CAMK1D: variants seen among roughly 807,000 people sequenced by gnomAD.
The protein encoded by CAMK1D is calcium/calmodulin-dependent protein kinase type 1D.
CAMK1D carries 9 observed loss-of-function variants against 47.7 expected under a neutral mutation model. The observed-to-expected ratio is 0.19, with a 90% CI of 0.11 to 0.33. The LOEUF is 0.33. CAMK1D is among the 10% of genes least tolerant of loss of function. The pLI is 1.00. For synonymous variants in CAMK1D, 184 were observed against 184.9 expected (o/e 0.99, Z 0.04); for missense variants, 291 against 488.7 (o/e 0.60, Z 3.81).
At chr10:12,489,514 G>A (rs546365519) in intron 1 of CAMK1D, among the ~76,000 whole-genome samples, 1 of 152,294 alleles carries the variant, frequency 6.6e-6, no homozygotes, top group Non-Finnish European at 1.5e-5. Context: ...AAGCGGTAGG[G>A]AAGCAGCCCA....
intron 6 of CAMK1D, among the ~76,000 whole-genome samples, chr10:12,794,275 A>G (rs1340390866): frequency 6.6e-6 from 1 of 152,174 alleles, no homozygotes; most frequent in Non-Finnish European, 1.5e-5. Flanking sequence ...TCGATGGTTA[A>G]GAAAAAAGAG....
At chr10:12,705,570 T>C (rs984214799) in intron 3 of CAMK1D, among the ~76,000 whole-genome samples, 2 of 152,196 alleles carry the variant, frequency 1.3e-5, no homozygotes, top group Admixed American at 1.3e-4. Context: ...GAACGGTGTG[T>C]TCGTATAAAG....
intron 2 of CAMK1D, among the ~76,000 whole-genome samples, chr10:12,562,139 G>A (rs1478374042): frequency 1.3e-5 from 2 of 152,280 alleles, no homozygotes; most frequent in South Asian, 2.1e-4. Flanking sequence ...GTCCAAGATC[G>A]GGTGGCTGCC....
At chr10:12,602,811 A>G (rs973304280) in intron 2 of CAMK1D, among the ~76,000 whole-genome samples, 1 of 151,982 alleles carries the variant, frequency 6.6e-6, no homozygotes, top group Non-Finnish European at 1.5e-5. Context: ...GGGAAGGGGA[A>G]GTTGAGGACG....
intron 2 of CAMK1D, among the ~76,000 whole-genome samples, chr10:12,632,735 C>T (rs997192664): frequency 6.6e-6 from 1 of 152,106 alleles, no homozygotes; most frequent in African/African-American, 2.4e-5. Context: ...CACTCTGTTG[C>T]CCAGGCTGGA....
chr10:12,528,168 A>C (rs1240732154), intron 1 of CAMK1D, among the ~76,000 whole-genome samples: 1 of 152,240 alleles, frequency 6.6e-6, no homozygotes, highest in African/African-American at 2.4e-5. Context: ...TGCCAAGGTC[A>C]CATAGCTAGT....
At chr10:12,701,684 A>T (rs1163770427) in intron 3 of CAMK1D, among the ~76,000 whole-genome samples, 1 of 152,112 alleles carries the variant, frequency 6.6e-6, no homozygotes, top group Non-Finnish European at 1.5e-5. Flanking sequence ...TTTTTAGGAG[A>T]CTGCCATAAA....
chr10:12,368,210 A>AAAT lies in CAMK1D; in HGVS notation c.92+18302_92+18303insTAA, dbSNP rs1554760139. 1.5e-3 allele frequency among the ~76,000 whole-genome samples: 227 copies of AAAT among 150,452 alleles called. 5 individuals carry two copies. In the East Asian group the frequency reaches 0.017, roughly 11 times the overall value. ...CGAGACTCCGTCTCAAAAAAAAAAA[A>AAAT]AAAATAAAATAAAATGTTTATTGTC... On this transcript the variant is annotated intron_variant, in intron 1 of 10. Transcript: ENST00000619168.
intron 2 of CAMK1D, among the ~76,000 whole-genome samples, chr10:12,612,567 C>T (rs2132415092): frequency 6.6e-6 from 1 of 152,166 alleles, no homozygotes; most frequent in East Asian, 1.9e-4. Flanking sequence ...AGGAAGTTGA[C>T]AGGATCAGAG....
intron 3 of CAMK1D, among the ~76,000 whole-genome samples, chr10:12,734,340 AAAAAAATATAT>A (rs1835035268): frequency 5.8e-4 from 16 of 27,798 alleles, no homozygotes; most frequent in Admixed American, 4.1e-3. Flanking sequence ...AAAAAAAAAA[AAAAAAATATAT>A]ATATATATAT....
In CAMK1D at chr10:12,720,437, A is replaced by C. The variant is rs143299670; in HGVS notation, c.300-40511A>C. Among the ~76,000 whole-genome samples, 260 of 152,388 alleles carry C rather than the reference A, an allele frequency of 1.7e-3. 2 individuals carry two copies. The highest frequency in any genetic ancestry group is 5.9e-3 in the African/African-American group (244 of 41,598). ...TTGAACTTCACAGACATGCTGAGTGATGACAAACCTTGGCAGGTCTGTGAC... is the reference window on the plus strand; with the variant it reads ...TTGAACTTCACAGACATGCTGAGTGCTGACAAACCTTGGCAGGTCTGTGAC... On this transcript the variant is annotated intron_variant, in intron 3 of 10. Transcript: ENST00000619168.
chr10:12,608,886 C>T (rs1838542636), intron 2 of CAMK1D, among the ~76,000 whole-genome samples: 2 of 152,180 alleles, frequency 1.3e-5, no homozygotes, highest in South Asian at 2.1e-4. Flanking sequence ...CTACCAGTGT[C>T]GGGAGTCTTG....
intron 1 of CAMK1D, among the ~76,000 whole-genome samples, chr10:12,392,529 G>T (rs941896265): frequency 4.6e-5 from 7 of 151,998 alleles, no homozygotes; most frequent in African/African-American, 1.5e-4. Context: ...TATAGCATTT[G>T]TCAGAATTTT....
intron 1 of CAMK1D, among the ~76,000 whole-genome samples, chr10:12,536,258 G>A (rs1205122405): frequency 6.6e-6 from 1 of 151,582 alleles, no homozygotes; most frequent in Admixed American, 6.6e-5. Context: ...TATGGATCTA[G>A]CCATACTTCA....
At chr10:12,385,048 A>G (rs1838449686) in intron 1 of CAMK1D, among the ~76,000 whole-genome samples, 1 of 152,252 alleles carries the variant, frequency 6.6e-6, no homozygotes, top group Non-Finnish European at 1.5e-5. Context: ...CAAAACCACA[A>G]TTAGATGTCA....
At chr10:12,454,017 C>A (rs1344890746) in intron 1 of CAMK1D, among the ~76,000 whole-genome samples, 1 of 152,154 alleles carries the variant, frequency 6.6e-6, no homozygotes, top group Non-Finnish European at 1.5e-5. Flanking sequence ...GCTGTTGAAA[C>A]CCTTCCCCTG....
At chr10:12,611,666 A>T (rs1838629462) in intron 2 of CAMK1D, among the ~76,000 whole-genome samples, 1 of 127,696 alleles carries the variant, frequency 7.8e-6, no homozygotes. Context: ...ATCTCGGCTC[A>T]CTGCAACCTC....
At chr10:12,408,015 G>A (rs1446877087) in intron 1 of CAMK1D, among the ~76,000 whole-genome samples, 1 of 151,836 alleles carries the variant, frequency 6.6e-6, no homozygotes, top group African/African-American at 2.4e-5. Flanking sequence ...GTCCCACCAC[G>A]CCCAGCTAAT....
At chr10:12,759,719 C>T (rs1836411529) in intron 3 of CAMK1D, among the ~76,000 whole-genome samples, 1 of 152,174 alleles carries the variant, frequency 6.6e-6, no homozygotes, top group Non-Finnish European at 1.5e-5. Flanking sequence ...ATATTGCCTG[C>T]TATGACTATA....
Sources: gnomAD v4.1 joint callset for allele counts (sites outside exome capture counted in the v4.1 genomes callset) on GRCh38, gnomAD v4.1.1 for gene constraint, MANE v1.5 for transcripts, NCBI Gene and HGNC (gene_info 2026-07-23, HGNC 2026-07-21) for gene names.